CARMIL1: variants seen among roughly 807,000 people sequenced by gnomAD.
CARMIL1 encodes the protein F-actin-uncapping protein LRRC16A.
CARMIL1 carries 90 observed loss-of-function variants against 177.1 expected under a neutral mutation model. That is an observed-to-expected ratio of 0.51 (90% CI 0.43 to 0.61). The LOEUF is 0.61. Ranked by LOEUF, CARMIL1 falls within the 20% of genes least tolerant of loss-of-function variation. The pLI is 0.00. For missense variants in CARMIL1, 1,380 were observed against 1,667.0 expected, an observed-to-expected ratio of 0.83 and a Z score of 3.00; for synonymous variants, 577 against 606.2, an observed-to-expected ratio of 0.95 and a Z score of 0.71.
At chr6:25,286,056 A>G (rs1487354116) in intron 2 of CARMIL1, among the ~76,000 whole-genome samples, 1 of 151,952 alleles carries the variant, frequency 6.6e-6, no homozygotes, top group African/African-American at 2.4e-5. Context: ...TATTTTTTGT[A>G]GAGACAGGGT....
At chr6:25,603,842 C>T (rs1326762368) in intron 33 of CARMIL1, among the ~76,000 whole-genome samples, 1 of 152,128 alleles carries the variant, frequency 6.6e-6, no homozygotes, top group Non-Finnish European at 1.5e-5. Flanking sequence ...ACTTTCTACT[C>T]CTACCCCAAG....
intron 2 of CARMIL1, among the ~76,000 whole-genome samples, chr6:25,315,301 T>A (rs796336009): frequency 7.2e-5 from 11 of 152,346 alleles, no homozygotes; most frequent in African/African-American, 2.6e-4. Flanking sequence ...TACATACCAA[T>A]TCTAAGCCTC....
At chr6:25,314,120 C>T (rs928548871) in intron 2 of CARMIL1, among the ~76,000 whole-genome samples, 1 of 149,106 alleles carries the variant, frequency 6.7e-6, no homozygotes, top group Admixed American at 6.6e-5. Flanking sequence ...GTCTTTCTGC[C>T]TGAATTTTGA....
intron 8 of CARMIL1, among the ~76,000 whole-genome samples, chr6:25,451,325 A>G (rs1480621240): frequency 6.6e-6 from 1 of 152,094 alleles, no homozygotes; most frequent in Non-Finnish European, 1.5e-5. Flanking sequence ...ATGTAGTATT[A>G]TTTTACCTAA....
chr6:25,299,083 C>T lies in CARMIL1; in HGVS notation c.138+14174C>T, dbSNP rs775510508. Among the ~76,000 whole-genome samples, 14 of 150,096 alleles carry T rather than the reference C, an allele frequency of 9.3e-5. 1 individual carries two copies. Among genetic ancestry groups the T allele is most frequent in the African/African-American group, 2.0e-4 (8 of 40,736 alleles). On this transcript the variant is annotated intron_variant, in intron 2 of 36. Coordinates refer to ENST00000329474, the MANE Select transcript of CARMIL1 (RefSeq NM_017640.6). ...TTTTATTTTATAGCCGGTCCTTGATCGGGGGTGCAGGGTGCATTATCTGAG... is the reference window on the plus strand; with the variant it reads ...TTTTATTTTATAGCCGGTCCTTGATTGGGGGTGCAGGGTGCATTATCTGAG...
chr6:25,353,894 G>T (rs1883392), intron 2 of CARMIL1, among the ~76,000 whole-genome samples: 8,535 of 152,222 alleles, frequency 0.056, 287 homozygotes, highest in Non-Finnish European at 0.088. Context: ...GTGCTTCTCC[G>T]TTAGAAGAAG....
Position 25,420,148 on chromosome 6 carries a change from C to T in CARMIL1, c.173C>T (p.Ala58Val), listed in dbSNP as rs369175501. 2.8e-4 allele frequency: 458 copies of T among 1,613,366 alleles called. No homozygotes were observed. The highest frequency in any genetic ancestry group is 3.7e-4 in the Non-Finnish European group (431 of 1,179,488). Residue 58 changes from alanine (A) to valine (V), a missense_variant, in exon 3 of 37, where the codon GCG (alanine) becomes GTG (valine). Physicochemically the swap from Ala to Val is moderately conservative, Grantham distance 64 (BLOSUM62 0). Transcript: ENST00000329474. ...LTSCRAFLVT[A>V]RIPTKLELTF... ...TCATGCCGAGCCTTCCTTGTAACAGCGCGAATCCCCACCAAGGTAAGTGTT... is the reference window on the plus strand; with the variant it reads ...TCATGCCGAGCCTTCCTTGTAACAGTGCGAATCCCCACCAAGGTAAGTGTT...
chr6:25,459,250 C>CTTTCTTTCTT (rs1562167395), intron 8 of CARMIL1, among the ~76,000 whole-genome samples: 2 of 111,944 alleles, frequency 1.8e-5, no homozygotes, highest in African/African-American at 6.9e-5. Context: ...TTCTTTCTTT[C>CTTTCTTTCTT]TTTCTTTCTT....
intron 3 of CARMIL1, among the ~76,000 whole-genome samples, chr6:25,423,078 A>G (rs529401897): frequency 1.3e-5 from 2 of 152,350 alleles, no homozygotes; most frequent in East Asian, 3.9e-4. Context: ...GTGCCACCTT[A>G]AGTCTTGACT....
intron 2 of CARMIL1, among the ~76,000 whole-genome samples, chr6:25,314,954 T>C (rs561675702): frequency 8.9e-4 from 135 of 152,308 alleles, no homozygotes; most frequent in Non-Finnish European, 1.6e-3. Context: ...ACTACAGAGA[T>C]AGCCTTTGTC....
At chr6:25,318,546 A>T (rs1226800603) in intron 2 of CARMIL1, among the ~76,000 whole-genome samples, 1 of 152,202 alleles carries the variant, frequency 6.6e-6, no homozygotes, top group African/African-American at 2.4e-5. Context: ...TGGCTGCAGA[A>T]GGCACCTAAC....
intron 11 of CARMIL1, among the ~76,000 whole-genome samples, chr6:25,479,881 A>G (rs970186195): frequency 6.6e-6 from 1 of 152,140 alleles, no homozygotes; most frequent in Non-Finnish European, 1.5e-5. Context: ...TATTTTTAAA[A>G]TTCCCACTGT....
At chr6:25,295,519 T>TC (rs1782314291) in intron 2 of CARMIL1, among the ~76,000 whole-genome samples, 2 of 152,130 alleles carry the variant, frequency 1.3e-5, no homozygotes, top group African/African-American at 2.4e-5. Flanking sequence ...GCTTTTTTTT[T>TC]CACCTGATTG....
At position 25,426,519 on chromosome 6, in the gene CARMIL1, T is replaced by A; in HGVS notation, c.208T>A (p.Tyr70Asn). Reference protein sequence around the residue: ...IPTKLELTFSYLEIHGVVCSK... With the variant: ...IPTKLELTFSNLEIHGVVCSK... The stretch of plus-strand genomic sequence containing the variant: ...ATTGCAGCTCGAGTTAACCTTCAGC[T>A]ACTTGGAGATTCATGGCGTCGTTTG... The change falls in exon 4 of 37, where the codon TAC (tyrosine) becomes AAC (asparagine). Residue 70 changes from tyrosine (Y) to asparagine (N), a missense_variant. Transcript: ENST00000329474. 1 of 1,612,612 alleles carries A rather than the reference T, an allele frequency of 6.2e-7. No homozygotes were observed.
chr6:25,509,570 C>T lies in CARMIL1; in HGVS notation c.1396-86C>T. 7 of 840,900 alleles carry T rather than the reference C, an allele frequency of 8.3e-6. No homozygotes were observed. The highest frequency in any genetic ancestry group is 1.4e-5 in the Non-Finnish European group (7 of 517,492). 52.1% of individuals were successfully genotyped at this position (840,900 alleles called of 1,614,324 possible). On this transcript the variant is annotated intron_variant, in intron 17 of 36. Transcript: ENST00000329474. The surrounding 1 kb of genome is among the most constrained non-coding windows in gnomAD (Gnocchi z 4.1). ...CTTTGGTACTAAGTTTATTTTAAGA[C>T]TGACTGTCTCTCCTATTTTTAATTT... is the stretch of plus-strand genomic sequence containing the variant.
chr6:25,472,692 A>G (rs1801195825), intron 11 of CARMIL1, 171 bp downstream of exon 11: 2 of 573,788 alleles, frequency 3.5e-6, no homozygotes, highest in East Asian at 5.7e-5. Context: ...CTTATGTTAC[A>G]ATTGTATGAT....
chr6:25,325,176 GT>G (rs1561985792), intron 2 of CARMIL1, among the ~76,000 whole-genome samples: 1 of 152,158 alleles, frequency 6.6e-6, no homozygotes, highest in African/African-American at 2.4e-5. Flanking sequence ...ATTAAAGGCC[GT>G]TTTCTCATTT....
intron 2 of CARMIL1, among the ~76,000 whole-genome samples, chr6:25,405,160 T>G (rs1020046536): frequency 2.0e-5 from 3 of 152,254 alleles, no homozygotes; most frequent in African/African-American, 7.2e-5. Context: ...TCAGTGATGT[T>G]TCTGTGTTCC....
chr6:25,324,799 A>G (rs144475047), intron 2 of CARMIL1, among the ~76,000 whole-genome samples: 20 of 152,216 alleles, frequency 1.3e-4, no homozygotes, highest in Admixed American at 3.9e-4. Flanking sequence ...GGGGGTGTTT[A>G]GTAGAGGGCT....
Sources: allele counts gnomAD v4.1 joint callset (sites outside exome capture counted in the v4.1 genomes callset), GRCh38; gene constraint gnomAD v4.1.1; non-coding constraint Gnocchi (gnomAD v3.1); transcripts MANE v1.5; gene names NCBI Gene and HGNC (gene_info 2026-07-23, HGNC 2026-07-21).